Variants in TUBD1 observed in about 807,000 individuals in gnomAD.
TUBD1 encodes the protein tubulin delta 1.
In TUBD1, 38 loss-of-function variants were observed where a neutral mutation model predicts 51.2. That is an observed-to-expected ratio of 0.74 (90% CI 0.57 to 0.97). TUBD1 has a LOEUF of 0.97. Among genes scored for constraint, TUBD1 ranks in the 50% least tolerant of loss-of-function variants. The pLI is 0.00. For missense variants in TUBD1, 489 were observed against 538.4 expected (o/e 0.91, Z 0.91); for synonymous variants, 169 against 178.2 (o/e 0.95, Z 0.41).
In TUBD1 at chr17:59,890,827, C is replaced by T. The variant is rs767027441; in HGVS notation, c.172+4G>A. The T allele has an allele frequency of 6.2e-7, 1 of 1,606,944 alleles. No homozygotes were observed. Among genetic ancestry groups the T allele is most frequent in the Non-Finnish European group, 8.5e-7 (1 of 1,176,728 alleles). On this transcript the variant is annotated splice_donor_region_variant and intron_variant, in intron 2 of 8. Coordinates refer to ENST00000325752, the MANE Select transcript of TUBD1 (RefSeq NM_016261.4). ...TAAAGGAGAGGACTGTGGGCCACAC[C>T]TACCTCCATTCTCCTCCTCACTGAA...
chr17:59,880,458 T>C (rs2040432477), intron 4 of TUBD1, among the ~76,000 whole-genome samples: 1 of 152,116 alleles, frequency 6.6e-6, no homozygotes, highest in Admixed American at 6.6e-5. Flanking sequence ...TAAATAACCA[T>C]TCTGGAAGCC....
At position 59,868,838 on chromosome 17, in the gene TUBD1, A is replaced by AAAAT. The variant is rs553719952; in HGVS notation, c.935-2093_935-2090dup. On this transcript the variant is annotated intron_variant, in intron 6 of 8. Transcript: ENST00000325752. ...GCGACGGAGCGAGACTCCATCTCAA[A>AAAAT]AAATAAATAAATAAATAAATAAATA... is the stretch of plus-strand genomic sequence containing the variant. Among the ~76,000 whole-genome samples the AAAAT allele has an allele frequency of 1.0e-3, 157 of 151,696 alleles. 1 individual carries two copies. The East Asian group carries it at 0.01, about 10-fold the overall frequency.
intron 6 of TUBD1, among the ~76,000 whole-genome samples, chr17:59,868,567 C>T (rs1348700517): frequency 6.6e-6 from 1 of 151,946 alleles, no homozygotes; most frequent in African/African-American, 2.4e-5. Context: ...AGGCCAGGTG[C>T]AGTGGCTCAT....
chr17:59,883,279 T>C (rs1598562039), intron 3 of TUBD1, among the ~76,000 whole-genome samples: 3 of 150,904 alleles, frequency 2.0e-5, no homozygotes, highest in Non-Finnish European at 4.4e-5. Context: ...TTTTTTTTAA[T>C]ATTTTTTGAG....
Position 59,859,677 on chromosome 17 carries a change from C to A in TUBD1, c.*645G>T, listed in dbSNP as rs2039344033. The A allele has an allele frequency of 6.6e-6, 1 of 152,510 alleles. No individual in the cohort carries two copies. The highest frequency in any genetic ancestry group is 6.6e-5 in the Admixed American group (1 of 15,256). The allele number at this position is 152,510 out of a possible 1,614,324, so 9.4% of individuals were successfully genotyped here. ...ATATATTAAGTACAGAATTACAATT[C>A]CTTAGCTTGAAATTATGCTGTGAAA... is the stretch of plus-strand genomic sequence containing the variant. On this transcript the variant is annotated 3_prime_UTR_variant, in exon 9 of 9. Transcript: ENST00000325752.
intron 6 of TUBD1, among the ~76,000 whole-genome samples, chr17:59,871,941 G>A (rs534259152): frequency 6.7e-6 from 1 of 150,300 alleles, no homozygotes; most frequent in African/African-American, 2.4e-5. Context: ...GACTACAGGT[G>A]CATACCACTA....
At chr17:59,869,481 CAA>C (rs1054734107) in intron 6 of TUBD1, among the ~76,000 whole-genome samples, 13 of 119,808 alleles carry the variant, frequency 1.1e-4, no homozygotes, top group Admixed American at 1.7e-4. Context: ...TCCCCCCCGC[CAA>C]AAAAAAAAAA....
intron 3 of TUBD1, chr17:59,885,502 C>T (rs768742450): frequency 4.6e-5 from 72 of 1,580,768 alleles, no homozygotes; most frequent in Admixed American, 2.2e-4. Context: ...GTACCTGGAA[C>T]GAGGCGGTGA....
intron 6 of TUBD1, among the ~76,000 whole-genome samples, chr17:59,874,250 G>C (rs1244874436): frequency 6.6e-6 from 1 of 151,014 alleles, no homozygotes; most frequent in African/African-American, 2.4e-5. Flanking sequence ...ATGGATTTAA[G>C]TATATATTTA....
intron 2 of TUBD1, among the ~76,000 whole-genome samples, chr17:59,888,644 T>C (rs1439972507): frequency 6.6e-6 from 1 of 151,974 alleles, no homozygotes; most frequent in Non-Finnish European, 1.5e-5. Context: ...ACTATGCAAG[T>C]GAGGACAGGG....
intron 3 of TUBD1, 138 bp from the exon 4 acceptor site, chr17:59,881,248 C>T (rs2040477568): frequency 1.5e-6 from 1 of 668,988 alleles, no homozygotes; most frequent in Non-Finnish European, 2.5e-6. Context: ...GGTACAGGTA[C>T]CCTGACTGAC....
chr17:59,866,134 A>AT lies in TUBD1; in HGVS notation c.1075+474_1075+475insA, dbSNP rs1367150379. On this transcript the variant is annotated intron_variant, in intron 7 of 8. Transcript: ENST00000325752. ...TCAAAAAAAAAAAAAAAAAAAAAAAAGGAAAGGAGGCAGGTCCTTCTCTGC... is the reference window on the plus strand; with the variant it reads ...TCAAAAAAAAAAAAAAAAAAAAAAAATGGAAAGGAGGCAGGTCCTTCTCTGC... 2.9e-4 allele frequency among the ~76,000 whole-genome samples: 41 copies of AT among 143,472 alleles called. 1 individual carries two copies. The East Asian group carries it at 7.4e-3, about 26-fold the overall frequency. 94.1% of individuals were successfully genotyped at this position (143,472 alleles called of 152,430 possible). A position where few individuals can be genotyped will look rare whatever the true frequency, so the allele number is the denominator to read the frequency against.
At chr17:59,862,660 C>T (rs2039507539) in intron 8 of TUBD1, among the ~76,000 whole-genome samples, 1 of 150,780 alleles carries the variant, frequency 6.6e-6, no homozygotes, top group African/African-American at 2.4e-5. Context: ...CTGCCTCAGC[C>T]TCCCAAGTAG....
chr17:59,885,081 C>A, intron 3 of TUBD1: 1 of 352,118 alleles, frequency 2.8e-6, no homozygotes, highest in South Asian at 2.4e-5. Flanking sequence ...GAAAGTGGTG[C>A]CGCTGGGCGC....
chr17:59,877,180 C>T (rs895334480), intron 5 of TUBD1, among the ~76,000 whole-genome samples: 5 of 152,148 alleles, frequency 3.3e-5, no homozygotes, highest in African/African-American at 1.2e-4. Context: ...TCTTAAACCT[C>T]CTTGAGACTT....
rs537171484 is a variant in TUBD1, at chr17:59,874,487, G to A, written c.934+52C>T. ...AAGCCAGTTTATATTGAGACTCCAG[G>A]ACAGACATTTTTTCCAGCTTGTGGG... On this transcript the variant is annotated intron_variant, in intron 6 of 8. Transcript: ENST00000325752. 3.1e-4 allele frequency: 482 copies of A among 1,578,318 alleles called. 3 individuals carry two copies. In the Admixed American group the frequency reaches 8.6e-3, roughly 28 times the overall value.
intron 2 of TUBD1, chr17:59,886,447 A>C (rs2040731593): frequency 3.9e-6 from 2 of 509,224 alleles, no homozygotes; most frequent in Non-Finnish European, 6.9e-6. Context: ...AAGCAGGCTG[A>C]ATCAGTGTGG....
chr17:59,862,714 ATTTTTTTTT>A (rs71145582), intron 8 of TUBD1, among the ~76,000 whole-genome samples: 9 of 56,982 alleles, frequency 1.6e-4, no homozygotes, highest in East Asian at 3.8e-4. Context: ...TAATTTTTGT[ATTTTTTTTT>A]TTTTTTTTTT....
chr17:59,886,591 C>G (rs1398384801), intron 2 of TUBD1: 2 of 133,434 alleles, frequency 1.5e-5, no homozygotes, highest in South Asian at 2.3e-4. Flanking sequence ...GGTTGCACCA[C>G]TGCACTCCAG....
Sources: gnomAD v4.1 joint callset for allele counts (sites outside exome capture counted in the v4.1 genomes callset) on GRCh38, gnomAD v4.1.1 for gene constraint, MANE v1.5 for transcripts, NCBI Gene and HGNC (gene_info 2026-07-23, HGNC 2026-07-21) for gene names.